SLC4A7: variants seen among roughly 807,000 people sequenced by gnomAD.
The protein encoded by SLC4A7 is sodium bicarbonate cotransporter 3.
Under a neutral mutation model 137.6 loss-of-function variants are expected in SLC4A7, and 51 were observed. The ratio of observed to expected loss-of-function variants is 0.37; its 90% CI spans 0.30 to 0.47. The LOEUF (loss-of-function observed/expected upper bound fraction) is 0.47. Ranked by LOEUF, SLC4A7 falls within the 20% of genes least tolerant of loss-of-function variation. SLC4A7 has a pLI of 1.00. For synonymous variants in SLC4A7, 542 were observed against 518.6 expected (o/e 1.05, Z -0.61); for missense variants, 1,247 against 1,525.4 (o/e 0.82, Z 3.04).
chr3:27,455,611 T>C (rs1257791083), intron 1 of SLC4A7, among the ~76,000 whole-genome samples: 1 of 148,378 alleles, frequency 6.7e-6, no homozygotes, highest in African/African-American at 2.5e-5. Flanking sequence ...TCTCATTCTG[T>C]CGCCCAGGCT....
At chr3:27,469,517 TTTATAAAGGATA>T (rs1424630469) in intron 1 of SLC4A7, among the ~76,000 whole-genome samples, 3 of 152,196 alleles carry the variant, frequency 2.0e-5, no homozygotes, top group Non-Finnish European at 4.4e-5. Context: ...TGTTTACTGA[TTTATAAAGGATA>T]TTATAAAGGA....
chr3:27,383,169 T>C lies in SLC4A7; in HGVS notation c.3574A>G (p.Lys1192Glu). ...EGGSLLQIPV[K>E]ALKYSVDPSI... ...ATATCTCACCTATATTTTAGGGCCT[T>C]GACTGGAATTTGCAAGAGACTTCCC... The change falls in exon 24 of 26, where the codon AAG becomes GAG. Residue 1192 changes from lysine to glutamate, a missense_variant. This residue lies in a region of SLC4A7 where 290 missense variants were observed against 323.8 expected (regional missense o/e 0.90). Coordinates refer to ENST00000454389, the MANE Select transcript of SLC4A7 (RefSeq NM_001321103.2). 1 of 1,610,834 alleles carries C rather than the reference T, an allele frequency of 6.2e-7. No individual in the cohort carries two copies. Among genetic ancestry groups the C allele is most frequent in the Non-Finnish European group, 8.5e-7 (1 of 1,177,088 alleles).
intron 23 of SLC4A7, among the ~76,000 whole-genome samples, chr3:27,384,653 T>C (rs1440432784): frequency 6.6e-5 from 10 of 152,122 alleles, no homozygotes; most frequent in Non-Finnish European, 1.5e-4. Context: ...TTATATTCTA[T>C]TTGAAAAAAT....
intron 18 of SLC4A7, among the ~76,000 whole-genome samples, chr3:27,396,449 T>C (rs2052176020): frequency 1.3e-5 from 2 of 152,136 alleles, no homozygotes; most frequent in Non-Finnish European, 2.9e-5. Context: ...TTTGAACCAA[T>C]ATTAATTCAT....
At chr3:27,428,191 CATT>C (rs2055857783) in intron 7 of SLC4A7, 1 of 154,078 alleles carries the variant, frequency 6.5e-6, no homozygotes, top group Non-Finnish European at 1.5e-5. Context: ...GTTACTTCAT[CATT>C]AAGCTTTATC....
intron 7 of SLC4A7, among the ~76,000 whole-genome samples, chr3:27,430,064 C>T (rs374643170): frequency 2.0e-5 from 3 of 150,442 alleles, no homozygotes; most frequent in East Asian, 4.0e-4. Context: ...AAAAACTTAG[C>T]CAGATGTTGT....
At chr3:27,418,357 T>TG (rs2054599022) in intron 11 of SLC4A7, 129 bp downstream of exon 11, 1 of 679,888 alleles carries the variant, frequency 1.5e-6, no homozygotes, top group African/African-American at 1.9e-5. Flanking sequence ...GAGGTAAGTA[T>TG]GGGGGTAAGA....
intron 1 of SLC4A7, among the ~76,000 whole-genome samples, chr3:27,465,993 C>T (rs1453575711): frequency 6.7e-6 from 1 of 149,292 alleles, no homozygotes; most frequent in African/African-American, 2.5e-5. Flanking sequence ...GAAAACTGTA[C>T]AGGAATTAAA....
At chr3:27,459,988 TATACACAC>T (rs1559823538) in intron 1 of SLC4A7, among the ~76,000 whole-genome samples, 1 of 102,808 alleles carries the variant, frequency 9.7e-6, no homozygotes, top group Non-Finnish European at 2.4e-5. Context: ...TATATATATA[TATACACAC>T]ACACACACAC....
At chr3:27,403,607 T>G (rs2053020610) in intron 14 of SLC4A7, among the ~76,000 whole-genome samples, 1 of 151,944 alleles carries the variant, frequency 6.6e-6, no homozygotes, top group African/African-American at 2.4e-5. Context: ...TAATTAGTAT[T>G]AATTATTAAT....
chr3:27,389,010 G>T (rs1040708829), intron 22 of SLC4A7, among the ~76,000 whole-genome samples: 3 of 151,780 alleles, frequency 2.0e-5, no homozygotes, highest in African/African-American at 7.2e-5. Flanking sequence ...TCTGGTTATC[G>T]CTCTTTTCTC....
chr3:27,429,041 G>T (rs1204897135), intron 7 of SLC4A7, among the ~76,000 whole-genome samples: 1 of 152,062 alleles, frequency 6.6e-6, no homozygotes, highest in African/African-American at 2.4e-5. Flanking sequence ...GCCCAGGCAG[G>T]CAGATCACGA....
chr3:27,403,354 T>C lies in SLC4A7; in HGVS notation c.2106A>G (p.Arg702=), dbSNP rs1208041773. ...AAGAAGTCCACAGACCAATACTGGT[T>C]CTTAAAGACAGATAAGAAAGTTGAT... The part of the protein sequence containing the change: ...RDYQLSYLSL[R]TSIGLWTSFL... Residue 702 remains arginine (R), a synonymous_variant, in exon 15 of 26, where the codon AGA becomes AGG. Transcript: ENST00000454389. 1.3e-6 allele frequency: 2 copies of C among 1,596,202 alleles called. No individual in the cohort carries two copies. Among genetic ancestry groups the C allele is most frequent in the South Asian group, 1.1e-5 (1 of 87,696 alleles).
chr3:27,390,953 A>G (rs973904718), intron 21 of SLC4A7, among the ~76,000 whole-genome samples: 2 of 152,090 alleles, frequency 1.3e-5, no homozygotes, highest in Non-Finnish European at 2.9e-5. Context: ...CCTCCTGAGT[A>G]GCCAGCACTA....
intron 5 of SLC4A7, among the ~76,000 whole-genome samples, chr3:27,436,008 C>G (rs1051610142): frequency 1.3e-5 from 2 of 152,164 alleles, no homozygotes; most frequent in Non-Finnish European, 2.9e-5. Context: ...TTTCTTTACT[C>G]TTCCTTAAAA....
chr3:27,480,170 T>G (rs962346041), intron 1 of SLC4A7, among the ~76,000 whole-genome samples: 2 of 152,198 alleles, frequency 1.3e-5, no homozygotes, highest in African/African-American at 4.8e-5. Context: ...AGAAAACCTG[T>G]GTACTTCCCA....
Position 27,398,205 on chromosome 3 carries a change from T to G in SLC4A7, c.2576A>C (p.Tyr859Ser). Residue 859 changes from tyrosine to serine, a missense_variant, in exon 17 of 26, where the codon TAC becomes TCC. By Grantham distance (144) the Tyr-to-Ser change is moderately radical (BLOSUM62 -2). This residue lies in a region of SLC4A7 where 499 missense variants were observed against 664.2 expected (regional missense o/e 0.75). Transcript: ENST00000454389. ...TATCACAGTTACCTTGGTAGGAAAG[T>G]AACGCTTGGTCTTAAATTGCTTGAG... ...SFLKQFKTKRYFPTKVRSTIS... is the reference protein window; with the variant it reads ...SFLKQFKTKRSFPTKVRSTIS... 1 of 1,609,122 alleles carries G rather than the reference T, an allele frequency of 6.2e-7. No individual in the cohort carries two copies. Among genetic ancestry groups the G allele is most frequent in the East Asian group, 2.2e-5 (1 of 44,814 alleles).
chr3:27,452,170 T>C (rs956173545), intron 2 of SLC4A7, among the ~76,000 whole-genome samples: 5 of 152,298 alleles, frequency 3.3e-5, no homozygotes, highest in African/African-American at 1.2e-4. Flanking sequence ...TAACTAATTT[T>C]GTGACTGTGT....
intron 1 of SLC4A7, chr3:27,456,500 C>A (rs2058417901): frequency 3.2e-6 from 2 of 617,960 alleles, no homozygotes; most frequent in Non-Finnish European, 5.7e-6. Flanking sequence ...AGGAATTACT[C>A]TTCAACAGAT....
Sources: gnomAD v4.1 joint callset for allele counts (sites outside exome capture counted in the v4.1 genomes callset) on GRCh38, gnomAD v4.1.1 for gene constraint, gnomAD v4.1.1 regional missense constraint, MANE v1.5 for transcripts, NCBI Gene and HGNC (gene_info 2026-07-23, HGNC 2026-07-21) for gene names.